Variants in TERF1 observed in about 807,000 individuals in gnomAD.
The protein encoded by TERF1 is telomeric repeat-binding factor 1.
Under a neutral mutation model 55.1 loss-of-function variants are expected in TERF1, and 20 were observed. The observed-to-expected ratio is 0.36, with a 90% confidence interval of 0.26 to 0.53. TERF1 has a LOEUF of 0.53. Among genes scored for constraint, TERF1 ranks in the 20% least tolerant of loss-of-function variants. The pLI, the probability that TERF1 is intolerant of heterozygous loss-of-function variation, is 0.91. For synonymous variants in TERF1, 168 were observed against 181.2 expected (o/e 0.93, Z 0.59); for missense variants, 439 against 535.7 (o/e 0.82, Z 1.78).
intron 8 of TERF1, among the ~76,000 whole-genome samples, chr8:73,036,662 G>A (rs1339114568): frequency 6.6e-6 from 1 of 151,318 alleles, no homozygotes; most frequent in African/African-American, 2.4e-5. Context: ...AAATGGCATA[G>A]TCTTTGCATA....
intron 9 of TERF1, among the ~76,000 whole-genome samples, chr8:73,044,763 A>G (rs1297428339): frequency 6.6e-6 from 1 of 152,060 alleles, no homozygotes; most frequent in Non-Finnish European, 1.5e-5. Flanking sequence ...GAGTTGGACT[A>G]TTCTAGGCAC....
rs1300417563 is a variant in TERF1 at position 73,014,696 on chromosome 8, T to C, written c.415+706T>C. The stretch of plus-strand genomic sequence containing the variant: ...ATACTTTTCCAACAATCCTGAGTAG[T>C]GGGCAGTACTTACATAAAACTGCTT... On this transcript the variant is annotated intron_variant, in intron 2 of 9. Coordinates refer to ENST00000276603, the MANE Select transcript of TERF1 (RefSeq NM_017489.3). Among the ~76,000 whole-genome samples the C allele has an allele frequency of 5.3e-5, 8 of 152,232 alleles. 1 individual carries two copies. Among genetic ancestry groups the C allele is most frequent in the Non-Finnish European group, 1.2e-4 (8 of 68,028 alleles).
chr8:73,042,937 A>G (rs1418479886), intron 9 of TERF1: 1 of 152,212 alleles, frequency 6.6e-6, no homozygotes, highest in Non-Finnish European at 1.5e-5. Flanking sequence ...ATGTCCAGAA[A>G]TACATCATCT....
chr8:73,023,559 T>C (rs940216418), intron 4 of TERF1, among the ~76,000 whole-genome samples: 4 of 152,102 alleles, frequency 2.6e-5, no homozygotes, highest in Non-Finnish European at 5.9e-5. Flanking sequence ...TAGCCTGATA[T>C]GTCTGTTGGG....
At chr8:73,021,437 T>A (rs575750163) in intron 3 of TERF1, among the ~76,000 whole-genome samples, 71 of 152,300 alleles carry the variant, frequency 4.7e-4, no homozygotes, top group African/African-American at 1.6e-3. Flanking sequence ...TTTGTCATGT[T>A]ATTGCAATCT....
At chr8:73,015,681 C>CAA (rs71559599) in intron 2 of TERF1, among the ~76,000 whole-genome samples, 38 of 150,464 alleles carry the variant, frequency 2.5e-4, no homozygotes, top group African/African-American at 6.8e-4. Flanking sequence ...ACTAAAAATA[C>CAA]AAAAAAAAAT....
At position 73,020,329 on chromosome 8, in the gene TERF1, G is replaced by C. The variant is rs55703737; in HGVS notation, c.416-355G>C. Among the ~76,000 whole-genome samples, 132 of 152,226 alleles carry C rather than the reference G, an allele frequency of 8.7e-4. 2 individuals are homozygous for C. The East Asian group carries it at 0.02, about 23-fold the overall frequency. Reference sequence around the variant, plus strand: ...TAGTATTTATTCTCACCATTTTATAGGTGAGAAAACTGGCCTGTCTTGAGG... The same window carrying C: ...TAGTATTTATTCTCACCATTTTATACGTGAGAAAACTGGCCTGTCTTGAGG... On this transcript the variant is annotated intron_variant, in intron 2 of 9. Transcript: ENST00000276603.
chr8:73,045,176 C>T (rs1303100223), intron 9 of TERF1, among the ~76,000 whole-genome samples: 1 of 152,142 alleles, frequency 6.6e-6, no homozygotes, highest in Admixed American at 6.5e-5. Flanking sequence ...TATCCATATC[C>T]TCACCAACAC....
intron 2 of TERF1, among the ~76,000 whole-genome samples, chr8:73,017,796 G>A (rs56048027): frequency 0.022 from 3,251 of 151,094 alleles, 98 homozygotes; most frequent in African/African-American, 0.074. Context: ...TCCGCCTCCC[G>A]GGTTCAAGCG....
chr8:73,029,080 C>T (rs1202531794), intron 6 of TERF1, among the ~76,000 whole-genome samples: 1 of 152,056 alleles, frequency 6.6e-6, no homozygotes, highest in Non-Finnish European at 1.5e-5. Flanking sequence ...GCAAATAAAG[C>T]ATCAAACCAC....
At chr8:73,017,014 G>T (rs1489605303) in intron 2 of TERF1, among the ~76,000 whole-genome samples, 1 of 152,052 alleles carries the variant, frequency 6.6e-6, no homozygotes, top group African/African-American at 2.4e-5. Context: ...TGTGATTTTG[G>T]AGTTTATCTA....
In TERF1 at chr8:73,034,320, C is replaced by T. The variant is rs372147307; in HGVS notation, c.1039+2187C>T. Among the ~76,000 whole-genome samples, 68 of 151,830 alleles carry T rather than the reference C, an allele frequency of 4.5e-4. 1 individual carries two copies. The highest frequency in any genetic ancestry group is 1.5e-3 in the African/African-American group (63 of 41,374). On this transcript the variant is annotated intron_variant, in intron 8 of 9. Coordinates refer to ENST00000276603, the MANE Select transcript of TERF1 (RefSeq NM_017489.3). ...CAGATTTTTGTATTTTTAGTAGAGA[C>T]GGGGTTTCGCCATGTTGGCCAGGCT... is the stretch of plus-strand genomic sequence containing the variant.
At chr8:73,026,852 G>T (rs1403983435) in intron 5 of TERF1, 88 bp from the exon 6 acceptor site, 17 of 995,930 alleles carry the variant, frequency 1.7e-5, no homozygotes, top group Non-Finnish European at 2.6e-5. Context: ...GACTATCAAA[G>T]AATTACAAGG....
At chr8:73,038,345 T>G (rs560148228) in intron 8 of TERF1, among the ~76,000 whole-genome samples, 1 of 152,036 alleles carries the variant, frequency 6.6e-6, no homozygotes. Flanking sequence ...TACCAGCTAC[T>G]CAGGAGGCTG....
At chr8:73,032,302 A>G (rs1392370405) in intron 8 of TERF1, among the ~76,000 whole-genome samples, 169 bp downstream of exon 8, 1 of 152,176 alleles carries the variant, frequency 6.6e-6, no homozygotes, top group Non-Finnish European at 1.5e-5. Context: ...AAAGTTAGCT[A>G]TTTTGACTGT....
chr8:73,037,865 A>T (rs530043017), intron 8 of TERF1, among the ~76,000 whole-genome samples: 24 of 112,132 alleles, frequency 2.1e-4, no homozygotes, highest in African/African-American at 8.2e-4. Flanking sequence ...TATAAATATG[A>T]TATATAATAT....
Position 73,030,356 on chromosome 8 carries a change from C to A in TERF1, c.908C>A (p.Ala303Glu), listed in dbSNP as rs533827129. ...TAAAGTGTTAGTGACAAACAGTCTG[C>A]GGTAACTGAATCCTCAGAGGGTACA... ...TRKSVSDKQS[A>E]VTESSEGTVS... The change falls in exon 7 of 10, where the codon GCG becomes GAG. Residue 303 changes from alanine to glutamate, a missense_variant. By Grantham distance (107) the Ala-to-Glu change is moderately radical. Around this residue, in one of 4 missense-constraint regions of TERF1, gnomAD observed 140 missense variants for 158.6 expected, o/e 0.88. Coordinates refer to ENST00000276603, the MANE Select transcript of TERF1 (RefSeq NM_017489.3). The A allele has an allele frequency of 6.6e-7, 1 of 1,522,938 alleles. No homozygotes were observed. Among genetic ancestry groups the A allele is most frequent in the South Asian group, 1.3e-5 (1 of 74,310 alleles). The allele number at this position is 1,522,938 out of a possible 1,614,324, so 94.3% of individuals were successfully genotyped here.
intron 4 of TERF1, among the ~76,000 whole-genome samples, chr8:73,022,602 G>A (rs985231024): frequency 4.5e-4 from 68 of 151,698 alleles, no homozygotes; most frequent in African/African-American, 1.5e-3. Context: ...CCAAAAAGAA[G>A]GAATAATAAA....
In TERF1 at chr8:73,040,231, AG is replaced by A. The variant is rs1809778182; in HGVS notation, c.1143+1014del. Among the ~76,000 whole-genome samples the A allele has an allele frequency of 2.0e-5, 3 of 152,160 alleles. No homozygotes were observed. In the South Asian group the frequency reaches 6.2e-4, roughly 32 times the overall value. ...AGCCTTGCCATCTCTGGCCTTTAGT[AG>A]GTTGAGGGGAGCTCCTGCTGTTGCT... On this transcript the variant is annotated intron_variant, in intron 9 of 9. Coordinates refer to ENST00000276603, the MANE Select transcript of TERF1 (RefSeq NM_017489.3).
Sources: allele counts gnomAD v4.1 joint callset (sites outside exome capture counted in the v4.1 genomes callset), GRCh38; gene constraint gnomAD v4.1.1; regional missense constraint gnomAD v4.1.1; transcripts MANE v1.5; gene names NCBI Gene and HGNC (gene_info 2026-07-23, HGNC 2026-07-21).